Variants in SORCS3 observed in about 807,000 individuals in gnomAD.
SORCS3 encodes sortilin related VPS10 domain containing receptor 3.
In SORCS3, 57 loss-of-function variants were observed where a neutral mutation model predicts 146.3. The ratio of observed to expected loss-of-function variants is 0.39; its 90% confidence interval spans 0.31 to 0.49. The LOEUF is 0.49. SORCS3 is among the 20% of genes least tolerant of loss of function. The probability of loss-of-function intolerance (pLI) is 0.92; values close to 1 mark genes in which losing one functional copy is unlikely to be tolerated. For synonymous variants in SORCS3, 653 were observed against 618.5 expected (o/e 1.06, Z -0.83); for missense variants, 1,341 against 1,575.5 (o/e 0.85, Z 2.52).
intron 1 of SORCS3, among the ~76,000 whole-genome samples, chr10:104,692,486 C>G (rs2133422998): frequency 6.6e-6 from 1 of 152,300 alleles, no homozygotes; most frequent in African/African-American, 2.4e-5. Flanking sequence ...ATTACTCTTG[C>G]ACCAACCTAA....
rs1397243442 is a variant in SORCS3 at position 104,907,094 on chromosome 10, A to G, written c.696-8739A>G. Reference sequence around the variant, plus strand: ...GACTTTTCAGGTCAATAACTCTGGTATCTGTCTTACTCTTGAATGCTGCTG... The same window carrying G: ...GACTTTTCAGGTCAATAACTCTGGTGTCTGTCTTACTCTTGAATGCTGCTG... On this transcript the variant is annotated intron_variant, in intron 2 of 26. Coordinates refer to ENST00000369701, the MANE Select transcript of SORCS3 (RefSeq NM_014978.3). Among the ~76,000 whole-genome samples the G allele has an allele frequency of 4.6e-5, 7 of 151,686 alleles. No individual in the cohort carries two copies. The South Asian group carries it at 1.3e-3, about 27-fold the overall frequency.
chr10:105,056,451 G>C (rs893767866), intron 5 of SORCS3, among the ~76,000 whole-genome samples: 2 of 152,196 alleles, frequency 1.3e-5, no homozygotes, highest in Non-Finnish European at 2.9e-5. Flanking sequence ...CAGGGATATA[G>C]ACCAGATTCA....
intron 3 of SORCS3, among the ~76,000 whole-genome samples, chr10:104,951,939 C>G (rs1005078815): frequency 2.6e-5 from 4 of 152,084 alleles, no homozygotes; most frequent in African/African-American, 9.6e-5. Context: ...CTTACCAAAA[C>G]CAGTGAACCC....
intron 5 of SORCS3, among the ~76,000 whole-genome samples, chr10:105,063,713 C>G (rs1037294037): frequency 6.6e-6 from 1 of 152,210 alleles, no homozygotes; most frequent in Non-Finnish European, 1.5e-5. Context: ...CACCTTCACA[C>G]TTGGAGCACT....
intron 2 of SORCS3, among the ~76,000 whole-genome samples, chr10:104,846,830 T>C (rs1380526357): frequency 6.6e-6 from 1 of 152,022 alleles, no homozygotes; most frequent in Non-Finnish European, 1.5e-5. Context: ...GTTCATGAGG[T>C]TGGGGACTGA....
intron 1 of SORCS3, among the ~76,000 whole-genome samples, chr10:104,837,753 C>T (rs1043290498): frequency 2.6e-5 from 4 of 152,186 alleles, no homozygotes; most frequent in Non-Finnish European, 4.4e-5. Context: ...ATAAGAGGTA[C>T]TCGGTAAATA....
At chr10:104,849,023 A>C (rs939369044) in intron 2 of SORCS3, among the ~76,000 whole-genome samples, 14 of 152,248 alleles carry the variant, frequency 9.2e-5, no homozygotes, top group Non-Finnish European at 1.5e-5. Flanking sequence ...AATTCTAGGA[A>C]TGAATCGGAG....
intron 7 of SORCS3, among the ~76,000 whole-genome samples, chr10:105,127,160 G>C (rs1419753948): frequency 1.3e-5 from 2 of 152,084 alleles, no homozygotes; most frequent in Non-Finnish European, 2.9e-5. Flanking sequence ...TTATTACGTG[G>C]ATTCAGCAGT....
At chr10:105,077,521 A>AACACAC (rs60182481) in intron 5 of SORCS3, among the ~76,000 whole-genome samples, 1,436 of 116,554 alleles carry the variant, frequency 0.012, 22 homozygotes, top group East Asian at 0.09. Flanking sequence ...GACTAAATTA[A>AACACAC]ACACACACAC....
At chr10:104,760,866 T>A (rs1323064900) in intron 1 of SORCS3, among the ~76,000 whole-genome samples, 1 of 151,828 alleles carries the variant, frequency 6.6e-6, no homozygotes, top group Non-Finnish European at 1.5e-5. Flanking sequence ...AAATACATGC[T>A]CTTAACAATG....
chr10:105,134,537 G>A (rs1414521569), intron 7 of SORCS3, among the ~76,000 whole-genome samples: 3 of 143,472 alleles, frequency 2.1e-5, no homozygotes, highest in Non-Finnish European at 3.0e-5. Context: ...ATGGCAGAAG[G>A]ATAGAAGGGA....
chr10:104,695,748 TGGA>T (rs1359840409), intron 1 of SORCS3, among the ~76,000 whole-genome samples: 1 of 151,662 alleles, frequency 6.6e-6, no homozygotes, highest in Non-Finnish European at 1.5e-5. Context: ...CTCACTGTAT[TGGA>T]TATTTTTCTA....
chr10:105,259,722 C>T (rs1009973325), intron 25 of SORCS3, among the ~76,000 whole-genome samples: 3 of 152,088 alleles, frequency 2.0e-5, no homozygotes, highest in Non-Finnish European at 1.5e-5. Flanking sequence ...ATATTCCTTC[C>T]ACTGTTTTTT....
At chr10:104,727,290 A>G (rs947853044) in intron 1 of SORCS3, among the ~76,000 whole-genome samples, 8 of 152,206 alleles carry the variant, frequency 5.3e-5, no homozygotes, top group African/African-American at 1.9e-4. Flanking sequence ...TGATTGCAAA[A>G]GAATATATAT....
At chr10:104,810,587 A>C (rs2017729113) in intron 1 of SORCS3, among the ~76,000 whole-genome samples, 1 of 152,234 alleles carries the variant, frequency 6.6e-6, no homozygotes, top group Non-Finnish European at 1.5e-5. Context: ...TATTATAAAT[A>C]ATGCTTTATG....
At chr10:105,080,400 GT>G (rs200333877) in intron 5 of SORCS3, among the ~76,000 whole-genome samples, 3,279 of 150,808 alleles carry the variant, frequency 0.022, 109 homozygotes, top group East Asian at 0.17. Flanking sequence ...ACTTTTTAAT[GT>G]TTTTTTTTCT....
chr10:104,917,129 C>A (rs1323452424), intron 3 of SORCS3, among the ~76,000 whole-genome samples: 2 of 152,218 alleles, frequency 1.3e-5, no homozygotes, highest in Middle Eastern at 6.3e-3. Flanking sequence ...TCTAGGGACT[C>A]TCAGGCCCTA....
chr10:104,903,143 G>A (rs2018869185), intron 2 of SORCS3, among the ~76,000 whole-genome samples: 1 of 152,182 alleles, frequency 6.6e-6, no homozygotes, highest in Non-Finnish European at 1.5e-5. Context: ...ACGTCTCCGA[G>A]TCTGTTTCCT....
At chr10:105,149,875 C>A (rs791139) in intron 9 of SORCS3, among the ~76,000 whole-genome samples, 73,064 of 151,978 alleles carry the variant, frequency 0.48, 18,096 homozygotes, top group Non-Finnish European at 0.53. Flanking sequence ...GTGCCCAGAT[C>A]CATGCAATTT....
Sources: allele counts gnomAD v4.1 joint callset (sites outside exome capture counted in the v4.1 genomes callset), GRCh38; gene constraint gnomAD v4.1.1; transcripts MANE v1.5; gene names NCBI Gene and HGNC (gene_info 2026-07-23, HGNC 2026-07-21).